MYOZ2: variants seen among roughly 807,000 people sequenced by gnomAD.
The protein encoded by MYOZ2 is myozenin-2.
A neutral mutation model predicts 25.4 loss-of-function variants in MYOZ2; 19 were observed. That is an observed-to-expected ratio of 0.75 (90% CI 0.52 to 1.10). The LOEUF is 1.10. Ranked by LOEUF, MYOZ2 falls within the 50% of genes least tolerant of loss-of-function variation. MYOZ2 has a pLI of 0.00. For missense variants in MYOZ2, 270 were observed against 317.9 expected, an observed-to-expected ratio of 0.85 and a Z score of 1.15; for synonymous variants, 92 against 106.9, an observed-to-expected ratio of 0.86 and a Z score of 0.86.
intron 5 of MYOZ2, among the ~76,000 whole-genome samples, chr4:119,173,756 C>T (rs1741993158): frequency 6.6e-6 from 1 of 152,220 alleles, no homozygotes; most frequent in South Asian, 2.1e-4. Context: ...GCGCCCACTC[C>T]CTCACCTCAG....
At chr4:119,145,682 G>T (rs1741277475) in intron 2 of MYOZ2, among the ~76,000 whole-genome samples, 1 of 152,076 alleles carries the variant, frequency 6.6e-6, no homozygotes, top group South Asian at 2.1e-4. Context: ...GCCTGTCTGT[G>T]TGTGTTGTCT....
At position 119,156,693 on chromosome 4, in the gene MYOZ2, C is replaced by G. The variant is rs1479888308; in HGVS notation, c.247-1329C>G. 2.0e-5 allele frequency among the ~76,000 whole-genome samples: 3 copies of G among 152,092 alleles called. No individual in the cohort carries two copies. In the East Asian group the frequency reaches 5.8e-4, roughly 29 times the overall value. The stretch of plus-strand genomic sequence containing the variant: ...CCTGGGAAGTTAGTATATCATCAGA[C>G]TATCAATATTTTATAAGTATAATTT... On this transcript the variant is annotated intron_variant, in intron 3 of 5. Coordinates refer to ENST00000307128, the MANE Select transcript of MYOZ2 (RefSeq NM_016599.5).
rs1203872971 is a variant in MYOZ2 at position 119,151,097 on chromosome 4, G to A, written c.246+56G>A. ...ATGAATGCGCAATATTTCTAAATTT[G>A]TATTTATGACTAGTTTCTGAAGGAA... On this transcript the variant is annotated intron_variant, in intron 3 of 5. Transcript: ENST00000307128. The A allele has an allele frequency of 2.0e-6, 3 of 1,505,694 alleles. No individual in the cohort carries two copies. In the Admixed American group the frequency reaches 5.0e-5, roughly 25 times the overall value. 93.3% of individuals were successfully genotyped at this position (1,505,694 alleles called of 1,614,324 possible).
chr4:119,145,432 C>T (rs148081791), intron 2 of MYOZ2, among the ~76,000 whole-genome samples: 3 of 148,938 alleles, frequency 2.0e-5, no homozygotes, highest in Non-Finnish European at 4.4e-5. Context: ...GCAACCACCT[C>T]CCAGGCTCAA....
chr4:119,160,318 GT>G (rs36015423), intron 4 of MYOZ2, among the ~76,000 whole-genome samples: 62,905 of 148,180 alleles, frequency 0.42, 13,357 homozygotes, highest in Non-Finnish European at 0.47. Flanking sequence ...ACTTTTTGGA[GT>G]TTTTTTTTTT....
chr4:119,172,387 A>C (rs1741964426), intron 5 of MYOZ2, among the ~76,000 whole-genome samples: 1 of 152,184 alleles, frequency 6.6e-6, no homozygotes, highest in Non-Finnish European at 1.5e-5. Context: ...TAGTGGGGAC[A>C]GTGAGTCACG....
At chr4:119,167,807 C>G (rs1741856529) in intron 5 of MYOZ2, among the ~76,000 whole-genome samples, 1 of 152,168 alleles carries the variant, frequency 6.6e-6, no homozygotes, top group Non-Finnish European at 1.5e-5. Flanking sequence ...AAAAGCAAAG[C>G]CTGAATGACA....
At chr4:119,166,964 A>G (rs749646018) in intron 5 of MYOZ2, among the ~76,000 whole-genome samples, 1 of 152,146 alleles carries the variant, frequency 6.6e-6, no homozygotes, top group Non-Finnish European at 1.5e-5. Context: ...GGGCCTCCCT[A>G]TTCCCTGAGA....
At chr4:119,162,555 G>A (rs751633672) in intron 4 of MYOZ2, among the ~76,000 whole-genome samples, 6 of 152,204 alleles carry the variant, frequency 3.9e-5, no homozygotes, top group Non-Finnish European at 5.9e-5. Context: ...AGTGTTCCTC[G>A]TTGTTCTGTT....
At chr4:119,142,174 C>T (rs1327661287) in intron 2 of MYOZ2, among the ~76,000 whole-genome samples, 1 of 152,140 alleles carries the variant, frequency 6.6e-6, no homozygotes, top group Non-Finnish European at 1.5e-5. Flanking sequence ...ATAAATGCTT[C>T]CACCATGGCC....
chr4:119,136,641 C>T, intron 2 of MYOZ2, 40 bp downstream of exon 2: 1 of 1,560,750 alleles, frequency 6.4e-7, no homozygotes. Flanking sequence ...TATAGCACAG[C>T]ATGAATGTGG....
intron 3 of MYOZ2, among the ~76,000 whole-genome samples, chr4:119,154,975 A>G (rs550492246): frequency 6.6e-6 from 1 of 151,948 alleles, no homozygotes; most frequent in African/African-American, 2.4e-5. Context: ...TATTTGACTC[A>G]TGGTTCTGTG....
intron 5 of MYOZ2, among the ~76,000 whole-genome samples, chr4:119,179,672 G>A (rs1742148673): frequency 6.6e-6 from 1 of 152,102 alleles, no homozygotes; most frequent in Non-Finnish European, 1.5e-5. Flanking sequence ...ATCTGAGACT[G>A]GATAATTCAT....
At chr4:119,175,245 TAGAGCTGGATAAAAAGGGGAAAAGCA>T (rs1742041925) in intron 5 of MYOZ2, among the ~76,000 whole-genome samples, 1 of 151,884 alleles carries the variant, frequency 6.6e-6, no homozygotes, top group East Asian at 1.9e-4. Context: ...AAAAACAAAA[TAGAGCTGGATAAAAAGGGGAAAAGCA>T]ATCCACTAAT....
Position 119,186,586 on chromosome 4 carries a change from CAG to C in MYOZ2, c.*389_*390del. The C allele has an allele frequency of 4.8e-6, 1 of 209,380 alleles. No homozygotes were observed. The highest frequency in any genetic ancestry group is 9.6e-6 in the Non-Finnish European group (1 of 104,168). 13.0% of individuals were successfully genotyped at this position (209,380 alleles called of 1,614,324 possible). ...ACAGGGAGAGATATGAAGACCTATTCAGAGTTTCATCTGGGGATGAAAGCTAT... is the reference window on the plus strand; with the variant it reads ...ACAGGGAGAGATATGAAGACCTATTCAGTTTCATCTGGGGATGAAAGCTAT... On this transcript the variant is annotated 3_prime_UTR_variant, in exon 6 of 6. Transcript: ENST00000307128.
chr4:119,171,173 G>A (rs1444858482), intron 5 of MYOZ2, among the ~76,000 whole-genome samples: 1 of 152,096 alleles, frequency 6.6e-6, no homozygotes, highest in East Asian at 1.9e-4. Flanking sequence ...AAAGGGGTAA[G>A]TATAGGAAAA....
chr4:119,147,486 A>T (rs1265454618), intron 2 of MYOZ2, among the ~76,000 whole-genome samples: 3 of 152,092 alleles, frequency 2.0e-5, no homozygotes, highest in African/African-American at 7.2e-5. Context: ...CATGCCTGTA[A>T]TCCCAGCACT....
chr4:119,176,771 A>G (rs1042904595), intron 5 of MYOZ2, among the ~76,000 whole-genome samples: 3 of 152,240 alleles, frequency 2.0e-5, no homozygotes, highest in African/African-American at 7.2e-5. Flanking sequence ...TTCATAAGGC[A>G]TAGTAATGAT....
intron 4 of MYOZ2, among the ~76,000 whole-genome samples, chr4:119,159,663 A>G (rs1741663019): frequency 1.3e-5 from 2 of 152,202 alleles, no homozygotes; most frequent in Admixed American, 1.3e-4. Context: ...TAAAATAAAC[A>G]GTAAATTTAG....
Sources: allele counts gnomAD v4.1 joint callset (sites outside exome capture counted in the v4.1 genomes callset), GRCh38; gene constraint gnomAD v4.1.1; transcripts MANE v1.5; gene names NCBI Gene and HGNC (gene_info 2026-07-23, HGNC 2026-07-21).